The following SPOCK1 variants were observed in gnomAD, a reference collection of about 807,000 sequenced individuals.
SPOCK1 encodes SPARC (osteonectin), cwcv and kazal like domains proteoglycan 1, also known as testican-1.
In SPOCK1, 23 loss-of-function variants were observed where a neutral mutation model predicts 55.3. The ratio of observed to expected loss-of-function variants is 0.42; its 90% CI spans 0.30 to 0.59. The LOEUF is 0.59. SPOCK1 is among the 20% of genes least tolerant of loss of function. The pLI is 0.22. For synonymous variants in SPOCK1, 226 were observed against 221.0 expected, an observed-to-expected ratio of 1.02 and a Z score of -0.20; for missense variants, 499 against 552.5, an observed-to-expected ratio of 0.90 and a Z score of 0.97.
chr5:137,049,374 G>T (rs1027866735), intron 6 of SPOCK1, among the ~76,000 whole-genome samples: 1 of 132,558 alleles, frequency 7.5e-6, no homozygotes, highest in Non-Finnish European at 1.6e-5. Context: ...TTCCCTTCTC[G>T]CTTCATTTCA....
At position 137,154,062 on chromosome 5, in the gene SPOCK1, C is replaced by CAT. The variant is rs1754368275; in HGVS notation, c.233-13369_233-13368insAT. On this transcript the variant is annotated intron_variant, in intron 3 of 10. Transcript: ENST00000394945. ...CAGCACTTTGGGAGGCCGAGGTGGGCAGATCATCTGAGGTTGGGAGTTCAA... is the reference window on the plus strand; with the variant it reads ...CAGCACTTTGGGAGGCCGAGGTGGGCATAGATCATCTGAGGTTGGGAGTTCAA... Among the ~76,000 whole-genome samples the CAT allele has an allele frequency of 3.3e-5, 5 of 151,836 alleles. No homozygotes were observed. The South Asian group carries it at 1.0e-3, about 32-fold the overall frequency.
At chr5:137,083,901 A>G (rs1256373264) in intron 5 of SPOCK1, among the ~76,000 whole-genome samples, 1 of 151,946 alleles carries the variant, frequency 6.6e-6, no homozygotes, top group East Asian at 1.9e-4. Flanking sequence ...AGACAATATC[A>G]CCGAGAGGAA....
At chr5:137,412,190 G>A (rs1373822288) in intron 2 of SPOCK1, among the ~76,000 whole-genome samples, 2 of 152,286 alleles carry the variant, frequency 1.3e-5, no homozygotes, top group Admixed American at 1.3e-4. Flanking sequence ...ACTCCACTCA[G>A]ACAAAATCTC....
At chr5:137,411,283 C>A (rs984270644) in intron 2 of SPOCK1, among the ~76,000 whole-genome samples, 2 of 152,074 alleles carry the variant, frequency 1.3e-5, no homozygotes, top group African/African-American at 4.8e-5. Flanking sequence ...AGGATGGGAC[C>A]TAATTATCCA....
intron 4 of SPOCK1, among the ~76,000 whole-genome samples, chr5:137,125,489 A>C (rs1753768102): frequency 1.3e-5 from 2 of 152,154 alleles, no homozygotes; most frequent in Admixed American, 6.5e-5. Context: ...AGGGGTAATT[A>C]GGTCATTAAC....
chr5:137,087,899 C>T (rs1752987912), intron 5 of SPOCK1, among the ~76,000 whole-genome samples: 1 of 152,290 alleles, frequency 6.6e-6, no homozygotes, highest in Admixed American at 6.5e-5. Context: ...GAGCCTCCCA[C>T]CCAGGATTTC....
intron 3 of SPOCK1, 53 bp from the exon 4 acceptor site, chr5:137,140,747 A>ATTTTT (rs11309240): frequency 8.1e-4 from 284 of 352,128 alleles, no homozygotes; most frequent in South Asian, 2.4e-3. Flanking sequence ...GGGAAATTTA[A>ATTTTT]TTTTTTTTTT....
intron 2 of SPOCK1, among the ~76,000 whole-genome samples, chr5:137,413,034 A>G (rs1017184066): frequency 6.6e-6 from 1 of 152,092 alleles, no homozygotes; most frequent in Non-Finnish European, 1.5e-5. Context: ...TGCTATTTTT[A>G]TAAAATCTTA....
intron 3 of SPOCK1, among the ~76,000 whole-genome samples, chr5:137,219,830 G>C (rs758030130): frequency 2.9e-4 from 44 of 152,190 alleles, no homozygotes; most frequent in Non-Finnish European, 5.7e-4. Context: ...ATTTTTCCTG[G>C]AGAGACATGA....
intron 6 of SPOCK1, among the ~76,000 whole-genome samples, chr5:137,005,051 G>A (rs75710284): frequency 0.016 from 2,437 of 152,310 alleles, 39 homozygotes; most frequent in Non-Finnish European, 0.024. Flanking sequence ...TTGCCATAAA[G>A]TACCACTTGG....
intron 2 of SPOCK1, among the ~76,000 whole-genome samples, chr5:137,306,128 C>T (rs1479762655): frequency 1.3e-5 from 2 of 152,050 alleles, no homozygotes; most frequent in Non-Finnish European, 2.9e-5. Context: ...AAGAATGGGG[C>T]GAGAAGTCAT....
chr5:137,154,930 A>G (rs1391601287), intron 3 of SPOCK1, among the ~76,000 whole-genome samples: 1 of 152,212 alleles, frequency 6.6e-6, no homozygotes, highest in Non-Finnish European at 1.5e-5. Context: ...TCAAAGGAGA[A>G]TGAACTGTGG....
chr5:137,430,658 G>A (rs1291113527), intron 2 of SPOCK1, among the ~76,000 whole-genome samples: 2 of 152,210 alleles, frequency 1.3e-5, no homozygotes, highest in African/African-American at 2.4e-5. Flanking sequence ...CTTGGTTGGA[G>A]AAGATTTTGA....
At chr5:137,181,687 C>A (rs373796966) in intron 3 of SPOCK1, among the ~76,000 whole-genome samples, 2 of 152,226 alleles carry the variant, frequency 1.3e-5, no homozygotes, top group South Asian at 4.1e-4. Context: ...AACTTTGGAG[C>A]ATTAGCTGAC....
intron 6 of SPOCK1, among the ~76,000 whole-genome samples, chr5:137,023,585 G>A (rs1030105550): frequency 6.6e-6 from 1 of 152,160 alleles, no homozygotes; most frequent in South Asian, 2.1e-4. Flanking sequence ...ATACCAGACT[G>A]GGGCTAGAAG....
In SPOCK1 at chr5:137,018,951, C is replaced by G. The variant is rs939247759; in HGVS notation, c.590-26351G>C. Among the ~76,000 whole-genome samples the G allele has an allele frequency of 1.5e-3, 223 of 152,190 alleles. 1 individual carries two copies. Among genetic ancestry groups the G allele is most frequent in the African/African-American group, 4.5e-3 (188 of 41,556 alleles). ...TTGAAAAATCAACAAAGGCAACGAG[C>G]AAATGCTCTAGAGTGAGAAGAAATA... is the stretch of plus-strand genomic sequence containing the variant. On this transcript the variant is annotated intron_variant, in intron 6 of 10. Coordinates refer to ENST00000394945, the MANE Select transcript of SPOCK1 (RefSeq NM_004598.4).
intron 5 of SPOCK1, among the ~76,000 whole-genome samples, chr5:137,076,252 C>T (rs1455170442): frequency 6.6e-6 from 1 of 152,154 alleles, no homozygotes; most frequent in African/African-American, 2.4e-5. Flanking sequence ...GCCTCTGTGC[C>T]CCAGGACAAT....
intron 2 of SPOCK1, among the ~76,000 whole-genome samples, chr5:137,321,646 C>T (rs1298323153): frequency 6.6e-6 from 1 of 152,040 alleles, no homozygotes; most frequent in African/African-American, 2.4e-5. Flanking sequence ...GAGGCCGAGG[C>T]AGGTGGATCA....
chr5:137,455,956 G>T (rs560488715), intron 2 of SPOCK1, among the ~76,000 whole-genome samples: 5 of 152,168 alleles, frequency 3.3e-5, no homozygotes, highest in East Asian at 3.9e-4. Flanking sequence ...TGAGCCCAAG[G>T]ATCCAAGGGT....
Sources: gnomAD v4.1 joint callset for allele counts (sites outside exome capture counted in the v4.1 genomes callset) on GRCh38, gnomAD v4.1.1 for gene constraint, MANE v1.5 for transcripts, NCBI Gene and HGNC (gene_info 2026-07-23, HGNC 2026-07-21) for gene names.